Variants in GATAD2B observed in about 807,000 individuals in gnomAD.
GATAD2B encodes the protein GATA zinc finger domain containing 2B.
A neutral mutation model predicts 64.3 loss-of-function variants in GATAD2B; 8 were observed. That is an observed-to-expected ratio of 0.12 (90% confidence interval 0.07 to 0.22). The LOEUF (loss-of-function observed/expected upper bound fraction) is 0.22, where lower values mean the gene tolerates loss of function less well. Ranked by LOEUF, GATAD2B falls within the 10% of genes least tolerant of loss-of-function variation. GATAD2B has a pLI of 1.00. For missense variants in GATAD2B, 453 were observed against 752.0 expected, an observed-to-expected ratio of 0.60 and a Z score of 4.65; for synonymous variants, 281 against 271.3, an observed-to-expected ratio of 1.04 and a Z score of -0.35.
intron 2 of GATAD2B, among the ~76,000 whole-genome samples, chr1:153,823,221 C>T (rs1674746542): frequency 6.6e-6 from 1 of 152,108 alleles, no homozygotes; most frequent in South Asian, 2.1e-4. Flanking sequence ...GTATGAACTC[C>T]TACCTATTAG....
At chr1:153,847,958 A>G (rs768601027) in intron 1 of GATAD2B, among the ~76,000 whole-genome samples, 6 of 152,220 alleles carry the variant, frequency 3.9e-5, no homozygotes, top group Non-Finnish European at 8.8e-5. Context: ...TCATCTGAGT[A>G]ACTGTAAAAC....
At chr1:153,853,601 C>T (rs1675985213) in intron 1 of GATAD2B, among the ~76,000 whole-genome samples, 1 of 152,146 alleles carries the variant, frequency 6.6e-6, no homozygotes. Flanking sequence ...GTTTGCTGTG[C>T]AGAAGCTTTT....
chr1:153,885,339 C>T (rs1324479039), intron 1 of GATAD2B, among the ~76,000 whole-genome samples: 1 of 152,034 alleles, frequency 6.6e-6, no homozygotes, highest in African/African-American at 2.4e-5. Context: ...GTATGATCTC[C>T]ACTCATAGAT....
chr1:153,858,316 A>G (rs1482815416), intron 1 of GATAD2B, among the ~76,000 whole-genome samples: 1 of 152,330 alleles, frequency 6.6e-6, no homozygotes, highest in Admixed American at 6.5e-5. Context: ...CTGTAATCCC[A>G]GCACTTTGGG....
chr1:153,854,691 C>G (rs1320855983), intron 1 of GATAD2B, among the ~76,000 whole-genome samples: 1 of 152,138 alleles, frequency 6.6e-6, no homozygotes, highest in Non-Finnish European at 1.5e-5. Context: ...TATTATACTG[C>G]CATTATAAAA....
Position 153,871,974 on chromosome 1 carries a change from A to G in GATAD2B, c.-1-43626T>C, listed in dbSNP as rs188646064. On this transcript the variant is annotated intron_variant, in intron 1 of 10. Transcript: ENST00000368655. ...CAAAAAATAAATTAATTAGTAAATT[A>G]ATAAATAAAAGTTAATTTGATGTTT... Among the ~76,000 whole-genome samples, 164 of 152,224 alleles carry G rather than the reference A, an allele frequency of 1.1e-3. 1 individual carries two copies. Among genetic ancestry groups the G allele is most frequent in the Non-Finnish European group, 1.9e-3 (132 of 68,018 alleles).
intron 1 of GATAD2B, among the ~76,000 whole-genome samples, chr1:153,830,596 C>T (rs1378732395): frequency 6.7e-6 from 1 of 148,662 alleles, no homozygotes. Context: ...CTGCCTCAGC[C>T]TCCCAAGTAG....
intron 1 of GATAD2B, among the ~76,000 whole-genome samples, chr1:153,866,969 G>A (rs1676499549): frequency 6.6e-6 from 1 of 151,976 alleles, no homozygotes; most frequent in Admixed American, 6.6e-5. Context: ...TAGTAGAAAC[G>A]GGGTTTCACC....
intron 1 of GATAD2B, among the ~76,000 whole-genome samples, chr1:153,902,297 A>AG (rs1471754178): frequency 6.6e-6 from 1 of 152,186 alleles, no homozygotes; most frequent in Admixed American, 6.5e-5. Flanking sequence ...AAAGAAAAAA[A>AG]GAAAAAAAAA....
Position 153,812,075 on chromosome 1 carries a change from C to T in GATAD2B, c.1477G>A (p.Val493Met), listed in dbSNP as rs1312042813. ...GTCTCTTGTTTACTGACACTGGACACAGCTGGAGCCGTAGTGGGGGAGAGG... is the reference window on the plus strand; with the variant it reads ...GTCTCTTGTTTACTGACACTGGACATAGCTGGAGCCGTAGTGGGGGAGAGG... The part of the protein sequence containing the change: ...AALSPTTAPA[V>M]SSVSKQETIM... The change falls in exon 9 of 11, where the codon GTG (valine) becomes ATG (methionine). Residue 493 changes from valine to methionine, a missense_variant. By Grantham distance (21) the Val-to-Met change is conservative. Coordinates refer to ENST00000368655, the MANE Select transcript of GATAD2B (RefSeq NM_020699.4). The T allele has an allele frequency of 1.9e-6, 3 of 1,613,410 alleles. No homozygotes were observed. Among genetic ancestry groups the T allele is most frequent in the Non-Finnish European group, 2.5e-6 (3 of 1,179,588 alleles).
chr1:153,895,244 G>C (rs889628760), intron 1 of GATAD2B, among the ~76,000 whole-genome samples: 1 of 151,734 alleles, frequency 6.6e-6, no homozygotes, highest in African/African-American at 2.4e-5. Context: ...AAGCATGAGA[G>C]AATCAGGTGA....
At chr1:153,825,728 T>G (rs1352568476) in intron 2 of GATAD2B, among the ~76,000 whole-genome samples, 1 of 152,022 alleles carries the variant, frequency 6.6e-6, no homozygotes, top group Non-Finnish European at 1.5e-5. Flanking sequence ...ACTAAGAGTT[T>G]TTAATGTTAC....
rs1247776825 is a variant in GATAD2B at position 153,836,259 on chromosome 1, ATT to A, written c.-1-7913_-1-7912del. Among the ~76,000 whole-genome samples the A allele has an allele frequency of 2.1e-5, 3 of 141,142 alleles. 1 individual carries two copies. The highest frequency in any genetic ancestry group is 4.7e-5 in the Non-Finnish European group (3 of 64,144). 92.6% of individuals were successfully genotyped at this position (141,142 alleles called of 152,430 possible). ...CTGGGAGACTCATCTCTAAAAAAAAATTTGTTTTTTTTTTTTTTTTTTTAGAC... is the reference window on the plus strand; with the variant it reads ...CTGGGAGACTCATCTCTAAAAAAAAATGTTTTTTTTTTTTTTTTTTTAGAC... On this transcript the variant is annotated intron_variant, in intron 1 of 10. Coordinates refer to ENST00000368655, the MANE Select transcript of GATAD2B (RefSeq NM_020699.4).
At position 153,877,064 on chromosome 1, in the gene GATAD2B, T is replaced by C. The variant is rs1199528870; in HGVS notation, c.-2+45669A>G. On this transcript the variant is annotated intron_variant, in intron 1 of 10. Coordinates refer to ENST00000368655, the MANE Select transcript of GATAD2B (RefSeq NM_020699.4). ...GTATTAGAGTGAAAGGTTCTTTGCATTGGCCCATGCCTATAATCCCAGCAC... is the reference window on the plus strand; with the variant it reads ...GTATTAGAGTGAAAGGTTCTTTGCACTGGCCCATGCCTATAATCCCAGCAC... Among the ~76,000 whole-genome samples, 5 of 150,480 alleles carry C rather than the reference T, an allele frequency of 3.3e-5. No individual in the cohort carries two copies. In the South Asian group the frequency reaches 1.1e-3, roughly 32 times the overall value.
chr1:153,837,049 C>G (rs376875106), intron 1 of GATAD2B, among the ~76,000 whole-genome samples: 1 of 152,136 alleles, frequency 6.6e-6, no homozygotes, highest in East Asian at 1.9e-4. Context: ...ATCTATAAAC[C>G]TCAACTTTAT....
intron 1 of GATAD2B, among the ~76,000 whole-genome samples, chr1:153,915,513 T>C (rs1007934217): frequency 6.6e-6 from 1 of 151,006 alleles, no homozygotes; most frequent in Admixed American, 6.6e-5. Flanking sequence ...TCAGGGAAGG[T>C]TTCCCAGAAG....
rs1674207276 is a variant in GATAD2B at position 153,809,237 on chromosome 1, AT to A, written c.*939del. 1 of 152,128 alleles carries A rather than the reference AT, an allele frequency of 6.6e-6. No homozygotes were observed. The highest frequency in any genetic ancestry group is 1.5e-5 in the Non-Finnish European group (1 of 68,028). 9.4% of individuals were successfully genotyped at this position (152,128 alleles called of 1,614,324 possible). A position where few individuals can be genotyped will look rare whatever the true frequency, so the allele number is the denominator to read the frequency against. On this transcript the variant is annotated 3_prime_UTR_variant, in exon 11 of 11. Coordinates refer to ENST00000368655, the MANE Select transcript of GATAD2B (RefSeq NM_020699.4). ...TAAAAGCAGGGTGGGGTGAGGGAGA[AT>A]TTTACAAAGAATACAAGATGAAATA...
At chr1:153,861,869 T>C (rs1178657523) in intron 1 of GATAD2B, among the ~76,000 whole-genome samples, 2 of 146,508 alleles carry the variant, frequency 1.4e-5, no homozygotes, top group African/African-American at 2.5e-5. Context: ...TATATGTATA[T>C]ATATGTGTAT....
chr1:153,904,950 G>A (rs1571004089), intron 1 of GATAD2B, among the ~76,000 whole-genome samples: 1 of 151,964 alleles, frequency 6.6e-6, no homozygotes, highest in East Asian at 1.9e-4. Flanking sequence ...CAGGTGATCT[G>A]CCTGCCTTGG....
Sources: allele counts gnomAD v4.1 joint callset (sites outside exome capture counted in the v4.1 genomes callset), GRCh38; gene constraint gnomAD v4.1.1; transcripts MANE v1.5; gene names NCBI Gene and HGNC (gene_info 2026-07-23, HGNC 2026-07-21).